PCDH12: variants seen among roughly 807,000 people sequenced by gnomAD.
PCDH12 encodes the protein protocadherin 12.
A neutral mutation model predicts 70.9 loss-of-function variants in PCDH12; 45 were observed. The observed-to-expected ratio is 0.63, with a 90% CI of 0.50 to 0.81. The LOEUF (loss-of-function observed/expected upper bound fraction) is 0.81. PCDH12 is among the 40% of genes least tolerant of loss of function. The probability of loss-of-function intolerance (pLI) is 0.00; values close to 1 mark genes in which losing one functional copy is unlikely to be tolerated. For missense variants in PCDH12, 1,370 were observed against 1,491.7 expected (o/e 0.92, Z 1.34); for synonymous variants, 567 against 626.0 (o/e 0.91, Z 1.41).
At chr5:141,953,155 A>G (rs982783210) in intron 1 of PCDH12, 8 of 152,248 alleles carry the variant, frequency 5.3e-5, no homozygotes, top group African/African-American at 1.9e-4. Context: ...GTCACTTCAC[A>G]GTTACAGCCC....
chr5:141,948,833 T>C (rs920040398), intron 3 of PCDH12, among the ~76,000 whole-genome samples: 1 of 152,112 alleles, frequency 6.6e-6, no homozygotes, highest in Non-Finnish European at 1.5e-5. Flanking sequence ...TTAAATGAGA[T>C]CATGTACATA....
At chr5:141,949,315 C>T (rs1753024925) in intron 3 of PCDH12, 117 bp downstream of exon 3, 1 of 1,488,376 alleles carries the variant, frequency 6.7e-7, no homozygotes, top group Non-Finnish European at 8.9e-7. Context: ...TTAAATGTTG[C>T]TGATGTTCCT....
intron 1 of PCDH12, chr5:141,952,838 C>T (rs1753111959): frequency 6.6e-6 from 1 of 152,216 alleles, no homozygotes; most frequent in Non-Finnish European, 1.5e-5. Context: ...TTCCTAGAAA[C>T]ACTGCTTCCT....
In PCDH12 at chr5:141,955,277, A is replaced by G; in HGVS notation, c.2575T>C (p.Ser859Pro). 6.2e-7 allele frequency: 1 copy of G among 1,614,012 alleles called. No individual in the cohort carries two copies. Among genetic ancestry groups the G allele is most frequent in the Non-Finnish European group, 8.5e-7 (1 of 1,179,990 alleles). Residue 859 changes from serine to proline, a missense_variant, in exon 1 of 4, where the codon TCC becomes CCC. Transcript: ENST00000231484. This position sits in a 1 kb window ranked among gnomAD's most constrained non-coding sequence, Gnocchi z 5.5. ...LFNHPRQRNA[S>P]RENLNLPEPQ... ...TCGGGAAGGTTCAGGTTCTCCCGGG[A>G]GGCATTCCTCTGCCTGGGATGGTTG...
chr5:141,945,603 C>T lies in PCDH12; in HGVS notation c.3333G>A (p.Ser1111=), dbSNP rs142028065. The T allele has an allele frequency of 6.8e-6, 11 of 1,614,082 alleles. No homozygotes were observed. Among genetic ancestry groups the T allele is most frequent in the Middle Eastern group, 1.6e-4 (1 of 6,084 alleles). The part of the protein sequence containing the change: ...TGTRLASTFV[S]EMSSLLEMLL... ...GCATCTCCAGCAGTGAGCTCATCTC[C>T]GAGACAAAGGTGCTGGCCAGCCTCG... The change falls in exon 4 of 4, where the codon TCG becomes TCA. Residue 1111 remains serine (S), a synonymous_variant. Coordinates refer to ENST00000231484, the MANE Select transcript of PCDH12 (RefSeq NM_016580.4).
Position 141,944,814 on chromosome 5 carries a change from CAT to C in PCDH12, c.*565_*566del, listed in dbSNP as rs1338110731. ...ATAGGGGAACAGGGGTAAGAGCACA[CAT>C]GTCTGCTATTTGTGTACCTGTTACT... On this transcript the variant is annotated 3_prime_UTR_variant, in exon 4 of 4. Coordinates refer to ENST00000231484, the MANE Select transcript of PCDH12 (RefSeq NM_016580.4). 1 of 153,220 alleles carries C rather than the reference CAT, an allele frequency of 6.5e-6. No homozygotes were observed. Among genetic ancestry groups the C allele is most frequent in the Non-Finnish European group, 1.5e-5 (1 of 68,842 alleles). 9.5% of individuals were successfully genotyped at this position (153,220 alleles called of 1,614,324 possible).
In PCDH12 at chr5:141,945,139, A is replaced by T; in HGVS notation, c.*242T>A. The T allele has an allele frequency of 1.8e-6, 1 of 556,044 alleles. No individual in the cohort carries two copies. The highest frequency in any genetic ancestry group is 3.3e-5 in the Admixed American group (1 of 30,016). The allele number at this position is 556,044 out of a possible 1,614,324, so 34.4% of individuals were successfully genotyped here. A position where few individuals can be genotyped will look rare whatever the true frequency, so the allele number is the denominator to read the frequency against. On this transcript the variant is annotated 3_prime_UTR_variant, in exon 4 of 4. Coordinates refer to ENST00000231484, the MANE Select transcript of PCDH12 (RefSeq NM_016580.4). The stretch of plus-strand genomic sequence containing the variant: ...GTGCTCCACATATGTTTTGCCAGGA[A>T]ACACTTATCTCAGCCACAAACCGTC...
chr5:141,947,669 T>G (rs1281111855), intron 3 of PCDH12, among the ~76,000 whole-genome samples: 2 of 152,120 alleles, frequency 1.3e-5, no homozygotes, highest in African/African-American at 4.8e-5. Context: ...TGTTGTGAGG[T>G]TCAGTGAGTT....
Position 141,945,407 on chromosome 5 carries a change from T to C in PCDH12, c.3529A>G (p.Ser1177Gly), listed in dbSNP as rs752265413. 2.3e-5 allele frequency: 37 copies of C among 1,612,946 alleles called. No homozygotes were observed. The South Asian group carries it at 3.6e-4, about 16-fold the overall frequency. The part of the protein sequence containing the change: ...KTGTEGKSRG[S>G]SSSSRCL The stretch of plus-strand genomic sequence containing the variant: ...CACAGGCACCTGCTGCTGCTGCTGC[T>C]GCCTCTGCTCTTGCCCTCAGTCCCC... The change falls in exon 4 of 4, where the codon AGC becomes GGC. Residue 1177 changes from serine (S) to glycine (G), a missense_variant. Physicochemically the swap from Ser to Gly is moderately conservative, Grantham distance 56. Transcript: ENST00000231484.
Position 141,957,932 on chromosome 5 carries a change from G to A in PCDH12, c.-81C>T. On this transcript the variant is annotated 5_prime_UTR_variant, in exon 1 of 4. Coordinates refer to ENST00000231484, the MANE Select transcript of PCDH12 (RefSeq NM_016580.4). This position sits in a 1 kb window ranked among gnomAD's most constrained non-coding sequence, Gnocchi z 4.3. ...CAAGTCCTCCAGTGTTTCCTGGATG[G>A]CTTGATCAGCCCCGTGCTCCTTCCC... is the stretch of plus-strand genomic sequence containing the variant. The A allele has an allele frequency of 1.3e-6, 2 of 1,486,682 alleles. No individual in the cohort carries two copies. Among genetic ancestry groups the A allele is most frequent in the Non-Finnish European group, 1.8e-6 (2 of 1,105,858 alleles). 92.1% of individuals were successfully genotyped at this position (1,486,682 alleles called of 1,614,324 possible). A position where few individuals can be genotyped will look rare whatever the true frequency, so the allele number is the denominator to read the frequency against.
rs771321515 is a variant in PCDH12, at chr5:141,955,330, A to G, written c.2522T>C (p.Val841Ala). The change falls in exon 1 of 4, where the codon GTG becomes GCG. Residue 841 changes from valine to alanine, a missense_variant. Transcript: ENST00000231484. The surrounding 1 kb of genome is among the most constrained non-coding windows in gnomAD (Gnocchi z 5.5). ...AAGGAGGTTGACCGTGTCTTGCAGC[A>G]CCTCTCGGCTCTCCGCCGGTGCTCC... ...NQGAPAESRE[V>A]LQDTVNLLFN... 9.3e-6 allele frequency: 15 copies of G among 1,613,466 alleles called. No individual in the cohort carries two copies. The South Asian group carries it at 1.3e-4, about 14-fold the overall frequency.
rs1298605526 is a variant in PCDH12, at chr5:141,944,007, G to T, written c.*1374C>A. The T allele has an allele frequency of 1.3e-5, 2 of 152,234 alleles. No homozygotes were observed. The highest frequency in any genetic ancestry group is 2.9e-5 in the Non-Finnish European group (2 of 68,054). 9.4% of individuals were successfully genotyped at this position (152,234 alleles called of 1,614,324 possible). A position where few individuals can be genotyped will look rare whatever the true frequency, so the allele number is the denominator to read the frequency against. ...GAGCTCCAAGAAAGGACAAAAAGAG[G>T]AGCAGATAGAGGAACTTTTGCCTGC... On this transcript the variant is annotated 3_prime_UTR_variant, in exon 4 of 4. Transcript: ENST00000231484.
intron 2 of PCDH12, among the ~76,000 whole-genome samples, chr5:141,949,862 T>C (rs1206573106): frequency 6.6e-6 from 1 of 152,170 alleles, no homozygotes; most frequent in Non-Finnish European, 1.5e-5. Context: ...GCCTGGCACA[T>C]TGTAAGCACT....
chr5:141,956,755 G>A lies in PCDH12; in HGVS notation c.1097C>T (p.Ala366Val). ...AGCAATAAAACTGTCCTTGGGAAGA[G>A]CTTCTGACACCAGTGATGGCTGGGA... ...WASQPSLVSE[A>V]LPKDSFIALV... is the part of the protein sequence containing the mutation. Residue 366 changes from alanine to valine, a missense_variant, in exon 1 of 4, where the codon GCT (alanine) becomes GTT (valine). Ala to Val is a moderately conservative substitution (Grantham distance 64). Transcript: ENST00000231484. 6.2e-7 allele frequency: 1 copy of A among 1,614,254 alleles called. No individual in the cohort carries two copies. Among genetic ancestry groups the A allele is most frequent in the South Asian group, 1.1e-5 (1 of 91,086 alleles).
At chr5:141,952,966 G>T (rs1265351827) in intron 1 of PCDH12, 1 of 152,240 alleles carries the variant, frequency 6.6e-6, no homozygotes, top group African/African-American at 2.4e-5. Flanking sequence ...CAGGACTGGG[G>T]TTTCACTGTG....
In PCDH12 at chr5:141,956,917, T is replaced by C. The variant is rs757602819; in HGVS notation, c.935A>G (p.Tyr312Cys). 7 of 1,614,006 alleles carry C rather than the reference T, an allele frequency of 4.3e-6. No individual in the cohort carries two copies. The highest frequency in any genetic ancestry group is 1.1e-5 in the South Asian group (1 of 91,080). ...GQVILRRPLDYEKNPAYEVDV... is the reference protein window; with the variant it reads ...GQVILRRPLDCEKNPAYEVDV... ...CACCTCGTAGGCAGGGTTCTTTTCA[T>C]AGTCTAGAGGTCGACGCAGAATGAC... The change falls in exon 1 of 4, where the codon TAT becomes TGT. Residue 312 changes from tyrosine (Y) to cysteine (C), a missense_variant. By Grantham distance (194) the Tyr-to-Cys change is radical (BLOSUM62 -2). Transcript: ENST00000231484.
In PCDH12 at chr5:141,945,507, C is replaced by CCCGCAGA; in HGVS notation, c.3422_3428dup (p.Arg1144LeufsTer30). 1 of 1,613,648 alleles carries CCCGCAGA rather than the reference C, an allele frequency of 6.2e-7. No individual in the cohort carries two copies. Among genetic ancestry groups the CCCGCAGA allele is most frequent in the Non-Finnish European group, 8.5e-7 (1 of 1,179,846 alleles). ...TGGCCAAGTCTAAACTGAGGGTCCTCCCGCAGACCGAGAGCCGCCGCAGCG... is the reference window on the plus strand; with the variant it reads ...TGGCCAAGTCTAAACTGAGGGTCCTCCCGCAGACCGCAGACCGAGAGCCGCCGCAGCG... On this transcript the variant is annotated frameshift_variant, in exon 4 of 4. Transcript: ENST00000231484. LOFTEE classifies it low-confidence loss of function (END_TRUNC).
At position 141,945,727 on chromosome 5, in the gene PCDH12, C is replaced by A. The variant is rs189652051; in HGVS notation, c.3209G>T (p.Arg1070Leu). The change falls in exon 4 of 4, where the codon CGT (arginine) becomes CTT (leucine). Residue 1070 changes from arginine (R) to leucine (L), a missense_variant. By Grantham distance (102) the Arg-to-Leu change is moderately radical (BLOSUM62 -2). Transcript: ENST00000231484. Reference sequence around the variant, plus strand: ...AGCATCCGGGGAGATCACATTGTCACGGTAGTTGGTGGTGAGGGGCAAAGA... The same window carrying A: ...AGCATCCGGGGAGATCACATTGTCAAGGTAGTTGGTGGTGAGGGGCAAAGA... ...RLSLPLTTNY[R>L]DNVISPDAAA... The A allele has an allele frequency of 6.2e-7, 1 of 1,614,100 alleles. No homozygotes were observed. Among genetic ancestry groups the A allele is most frequent in the Admixed American group, 1.7e-5 (1 of 60,020 alleles).
In PCDH12 at chr5:141,956,719, G is replaced by T; in HGVS notation, c.1133C>A (p.Ala378Glu). The T allele has an allele frequency of 6.2e-7, 1 of 1,614,218 alleles. No individual in the cohort carries two copies. Among genetic ancestry groups the T allele is most frequent in the South Asian group, 1.1e-5 (1 of 91,088 alleles). Residue 378 changes from alanine (A) to glutamate (E), a missense_variant, in exon 1 of 4, where the codon GCA (alanine) becomes GAA (glutamate). By Grantham distance (107) the Ala-to-Glu change is moderately radical. Transcript: ENST00000231484. ...ATTGTGTCCTGAATCCAAGTCATCT[G>T]CCATGACAAGAGCAATAAAACTGTC... ...PKDSFIALVM[A>E]DDLDSGHNGL...
Sources: gnomAD v4.1 joint callset for allele counts (sites outside exome capture counted in the v4.1 genomes callset) on GRCh38, gnomAD v4.1.1 for gene constraint, Gnocchi (gnomAD v3.1) non-coding constraint, MANE v1.5 for transcripts, NCBI Gene and HGNC (gene_info 2026-07-23, HGNC 2026-07-21) for gene names.